The following NAALAD2 variants were observed in gnomAD, a reference collection of about 807,000 sequenced individuals.
NAALAD2 encodes the protein N-acetylated-alpha-linked acidic dipeptidase 2.
A neutral mutation model predicts 95.6 loss-of-function variants in NAALAD2; 89 were observed. The observed-to-expected ratio is 0.93, with a 90% CI of 0.78 to 1.11. NAALAD2 has a LOEUF of 1.11. NAALAD2 is among the 50% of genes least tolerant of loss of function. NAALAD2 has a pLI of 0.00. For missense variants in NAALAD2, 894 were observed against 872.4 expected, an observed-to-expected ratio of 1.02 and a Z score of -0.31; for synonymous variants, 264 against 294.4, an observed-to-expected ratio of 0.90 and a Z score of 1.06.
intron 2 of NAALAD2, among the ~76,000 whole-genome samples, chr11:90,141,428 C>A (rs1264100718): frequency 6.6e-6 from 1 of 152,104 alleles, no homozygotes; most frequent in East Asian, 1.9e-4. Context: ...TAAGCAGATG[C>A]TTTACATGCT....
At chr11:90,153,079 C>T (rs935117257) in intron 6 of NAALAD2, among the ~76,000 whole-genome samples, 3 of 152,126 alleles carry the variant, frequency 2.0e-5, no homozygotes, top group Non-Finnish European at 2.9e-5. Flanking sequence ...CTGCTGTCAG[C>T]ATGATTATTT....
chr11:90,135,796 CTTT>C (rs59013316), intron 2 of NAALAD2, 126 bp downstream of exon 2: 4,139 of 481,096 alleles, frequency 8.6e-3, no homozygotes, highest in East Asian at 0.026. Context: ...TAGTCATCAA[CTTT>C]TTTTTTTTTT....
At chr11:90,136,751 T>C (rs1409356767) in intron 2 of NAALAD2, among the ~76,000 whole-genome samples, 1 of 152,212 alleles carries the variant, frequency 6.6e-6, no homozygotes, top group Non-Finnish European at 1.5e-5. Flanking sequence ...TTTACAAGTC[T>C]TTCTGTGGAT....
intron 18 of NAALAD2, among the ~76,000 whole-genome samples, chr11:90,186,890 A>G (rs1463623735): frequency 7.3e-6 from 1 of 136,516 alleles, no homozygotes; most frequent in African/African-American, 2.7e-5. Context: ...TGAACAGGCA[A>G]CCTACAAAAT....
chr11:90,152,733 A>G (rs1951921819), intron 6 of NAALAD2, among the ~76,000 whole-genome samples: 1 of 152,140 alleles, frequency 6.6e-6, no homozygotes, highest in African/African-American at 2.4e-5. Context: ...ATTAGAGTTC[A>G]GAAATACTGA....
intron 18 of NAALAD2, among the ~76,000 whole-genome samples, chr11:90,187,184 G>A (rs1348932470): frequency 6.6e-6 from 1 of 151,490 alleles, no homozygotes; most frequent in Non-Finnish European, 1.5e-5. Context: ...AGGTGCTGGA[G>A]AGGATGTGGA....
intron 2 of NAALAD2, among the ~76,000 whole-genome samples, chr11:90,140,181 C>G (rs117617817): frequency 6.6e-6 from 1 of 152,106 alleles, no homozygotes. Context: ...AGTCACCTCA[C>G]AAGCTCACGG....
At chr11:90,185,850 G>A (rs11604763) in intron 18 of NAALAD2, among the ~76,000 whole-genome samples, 1 of 137,432 alleles carries the variant, frequency 7.3e-6, no homozygotes, top group East Asian at 2.0e-4. Flanking sequence ...AGGGTGAAAG[G>A]GTAAACACTT....
intron 13 of NAALAD2, among the ~76,000 whole-genome samples, chr11:90,172,441 G>C (rs368572509): frequency 1.3e-5 from 2 of 152,104 alleles, no homozygotes; most frequent in Non-Finnish European, 2.9e-5. Flanking sequence ...GTTATCAGTA[G>C]ACACAACACA....
At chr11:90,149,746 G>A (rs1004451012) in intron 4 of NAALAD2, among the ~76,000 whole-genome samples, 3 of 151,988 alleles carry the variant, frequency 2.0e-5, no homozygotes, top group Non-Finnish European at 4.4e-5. Flanking sequence ...CCAGCAGTAG[G>A]TGTTTTTACA....
chr11:90,138,410 T>A lies in NAALAD2; in HGVS notation c.194+2740T>A, dbSNP rs11018871. Among the ~76,000 whole-genome samples the A allele has an allele frequency of 9.0e-3, 1,363 of 152,270 alleles. 15 individuals carry two copies. The highest frequency in any genetic ancestry group is 0.032 in the African/African-American group (1,309 of 41,542). On this transcript the variant is annotated intron_variant, in intron 2 of 18. Coordinates refer to ENST00000534061, the MANE Select transcript of NAALAD2 (RefSeq NM_005467.4). The stretch of plus-strand genomic sequence containing the variant: ...AGACATCATGTATGTTTTTTGCTTT[T>A]TCTTTTCTCTAAAAATATTTTTATA...
At chr11:90,171,439 G>A (rs1360948872) in intron 13 of NAALAD2, among the ~76,000 whole-genome samples, 2 of 152,166 alleles carry the variant, frequency 1.3e-5, no homozygotes, top group African/African-American at 4.8e-5. Flanking sequence ...TTCCATAAAA[G>A]CATCTTATCT....
chr11:90,181,716 CCTTT>C lies in NAALAD2; in HGVS notation c.1940+16_1940+19del, dbSNP rs775060467. 1 of 1,441,764 alleles carries C rather than the reference CCTTT, an allele frequency of 6.9e-7. No individual in the cohort carries two copies. The allele number at this position is 1,441,764 out of a possible 1,614,324, so 89.3% of individuals were successfully genotyped here. ...GATCTTAACAAGTAAGTTTCAAATC[CCTTT>C]TTTTTTAAAAAAAAAAAAAAAAGCA... On this transcript the variant is annotated intron_variant, in intron 17 of 18. Coordinates refer to ENST00000534061, the MANE Select transcript of NAALAD2 (RefSeq NM_005467.4).
intron 2 of NAALAD2, among the ~76,000 whole-genome samples, chr11:90,139,812 A>T (rs1166701516): frequency 6.6e-6 from 1 of 151,812 alleles, no homozygotes; most frequent in South Asian, 2.1e-4. Flanking sequence ...CAAAGTTTTC[A>T]CATTTGCAGG....
chr11:90,173,202 C>CAT (rs1952690422), intron 13 of NAALAD2, among the ~76,000 whole-genome samples: 1 of 151,972 alleles, frequency 6.6e-6, no homozygotes, highest in Admixed American at 6.6e-5. Flanking sequence ...CACACACACA[C>CAT]GAGCTCTTAA....
intron 16 of NAALAD2, among the ~76,000 whole-genome samples, chr11:90,178,952 G>C (rs1952886871): frequency 6.6e-6 from 1 of 152,146 alleles, no homozygotes; most frequent in African/African-American, 2.4e-5. Context: ...GTATGTAGTA[G>C]CATTGAGGAT....
chr11:90,188,986 G>T (rs11018903), intron 18 of NAALAD2, among the ~76,000 whole-genome samples: 72,213 of 152,040 alleles, frequency 0.47, 17,885 homozygotes, highest in Non-Finnish European at 0.55. Context: ...GCAGATGGAT[G>T]AGTCACACTA....
intron 4 of NAALAD2, among the ~76,000 whole-genome samples, chr11:90,149,438 C>T (rs1951831922): frequency 2.0e-5 from 3 of 151,750 alleles, no homozygotes; most frequent in Admixed American, 1.3e-4. Flanking sequence ...GTTTTTGTTT[C>T]GTTTTGTTTT....
upstream of NAALAD2, among the ~76,000 whole-genome samples, chr11:90,133,901 A>G (rs565883686): frequency 1.3e-5 from 2 of 152,234 alleles, no homozygotes; most frequent in South Asian, 4.1e-4. Flanking sequence ...ACTTTAGAGA[A>G]CAGCTTTATT....
Sources: gnomAD v4.1 joint callset for allele counts (sites outside exome capture counted in the v4.1 genomes callset) on GRCh38, gnomAD v4.1.1 for gene constraint, MANE v1.5 for transcripts, NCBI Gene and HGNC (gene_info 2026-07-23, HGNC 2026-07-21) for gene names.